The following PHGDH variants were observed in gnomAD, a reference collection of about 807,000 sequenced individuals.
PHGDH encodes phosphoglycerate dehydrogenase.
PHGDH carries 50 observed loss-of-function variants against 52.6 expected under a neutral mutation model. The observed-to-expected ratio is 0.95, with a 90% CI of 0.76 to 1.20. PHGDH has a LOEUF of 1.20. PHGDH is among the 50% of genes most tolerant of loss of function. The pLI, the probability that PHGDH is intolerant of heterozygous loss-of-function variation, is 0.00. For synonymous variants in PHGDH, 271 were observed against 280.5 expected (o/e 0.97, Z 0.34); for missense variants, 630 against 684.6 (o/e 0.92, Z 0.89).
intron 9 of PHGDH, among the ~76,000 whole-genome samples, chr1:119,741,248 G>C (rs1372168895): frequency 6.6e-6 from 1 of 152,180 alleles, no homozygotes; most frequent in African/African-American, 2.4e-5. Context: ...AGATTGCAGG[G>C]AGAGGGCAGC....
At chr1:119,731,280 A>G (rs1651678462) in intron 5 of PHGDH, among the ~76,000 whole-genome samples, 1 of 152,180 alleles carries the variant, frequency 6.6e-6, no homozygotes, top group Non-Finnish European at 1.5e-5. Context: ...TTAACGCTCT[A>G]TACTGTTGTG....
chr1:119,722,824 C>A (rs1651233307), intron 2 of PHGDH, among the ~76,000 whole-genome samples: 1 of 149,920 alleles, frequency 6.7e-6, no homozygotes, highest in South Asian at 2.1e-4. Context: ...TGCTTGAACC[C>A]TGGGAAGTCA....
chr1:119,734,919 C>T, intron 6 of PHGDH, 153 bp downstream of exon 6: 8 of 850,484 alleles, frequency 9.4e-6, no homozygotes, highest in Non-Finnish European at 1.6e-5. Flanking sequence ...TTAGACACCC[C>T]TACGTTGGAT....
chr1:119,726,941 A>G (rs1163937884), intron 4 of PHGDH, 36 bp downstream of exon 4: 1 of 1,609,956 alleles, frequency 6.2e-7, no homozygotes, highest in South Asian at 1.1e-5. Flanking sequence ...ACCTGGGCTC[A>G]GGGCCCGGGG....
In PHGDH at chr1:119,739,098, C is replaced by G. The variant is rs587601780; in HGVS notation, c.946-1288C>G. On this transcript the variant is annotated intron_variant, in intron 8 of 11. Transcript: ENST00000641023. ...TGTTCTAACCTCAGACACAGAATAA[C>G]ATTAGGGTCAGGTTGGTGTCCCAAA... Among the ~76,000 whole-genome samples, 105 of 152,356 alleles carry G rather than the reference C, an allele frequency of 6.9e-4. 1 individual carries two copies. The highest frequency in any genetic ancestry group is 1.4e-3 in the Non-Finnish European group (94 of 68,040).
rs898943128 is a variant in PHGDH at position 119,737,292 on chromosome 1, G to A, written c.945+26G>A. 10 of 1,600,264 alleles carry A rather than the reference G, an allele frequency of 6.2e-6. No individual in the cohort carries two copies. The East Asian group carries it at 2.0e-4, about 32-fold the overall frequency. ...GTAAGTATCACCACCTGGGGCTGGG[G>A]GCCAGGAGTCAGAGGGAGGAGAGGA... On this transcript the variant is annotated intron_variant, in intron 8 of 11. Coordinates refer to ENST00000641023, the MANE Select transcript of PHGDH (RefSeq NM_006623.4).
At chr1:119,713,033 A>C (rs1467511625) in intron 1 of PHGDH, 1 of 152,168 alleles carries the variant, frequency 6.6e-6, no homozygotes, top group Non-Finnish European at 1.5e-5. Context: ...ATCTACTTCA[A>C]ATCTTTATCC....
chr1:119,717,871 G>A (rs1651000025), intron 1 of PHGDH, among the ~76,000 whole-genome samples: 1 of 152,190 alleles, frequency 6.6e-6, no homozygotes, highest in Non-Finnish European at 1.5e-5. Flanking sequence ...GGCATGTGAA[G>A]TGTTAAAGTT....
chr1:119,717,232 CAAAAAAAAA>C (rs58549149), intron 1 of PHGDH, among the ~76,000 whole-genome samples: 14 of 37,354 alleles, frequency 3.7e-4, no homozygotes, highest in Middle Eastern at 0.029. Flanking sequence ...AACTCTGTCT[CAAAAAAAAA>C]AAAAAAAAAA....
In PHGDH at chr1:119,743,057, C is replaced by G; in HGVS notation, c.1447+13C>G. 6.5e-7 allele frequency: 1 copy of G among 1,542,534 alleles called. No homozygotes were observed. The highest frequency in any genetic ancestry group is 1.1e-5 in the South Asian group (1 of 89,710). ...CCTACCATGATTGGTGAGGAGGGCC[C>G]TGTAGGGCTGGCTGGTGTCCTTGAG... On this transcript the variant is annotated intron_variant, in intron 11 of 11. Coordinates refer to ENST00000641023, the MANE Select transcript of PHGDH (RefSeq NM_006623.4).
chr1:119,725,093 A>G, intron 3 of PHGDH: 1 of 429,982 alleles, frequency 2.3e-6, no homozygotes, highest in East Asian at 7.1e-5. Context: ...AACAGCACAC[A>G]GAAAGGAAGG....
intron 3 of PHGDH, chr1:119,725,073 G>C: frequency 2.2e-6 from 1 of 446,802 alleles, no homozygotes; most frequent in South Asian, 1.6e-5. Context: ...GGGCTCCTGA[G>C]GTGCAGAAGA....
intron 5 of PHGDH, among the ~76,000 whole-genome samples, chr1:119,728,492 G>C (rs1186808680): frequency 6.6e-6 from 1 of 152,236 alleles, no homozygotes; most frequent in Non-Finnish European, 1.5e-5. Context: ...ACCTCACACC[G>C]GTCTCAGAAA....
chr1:119,714,545 G>T (rs587595611), intron 1 of PHGDH: 5 of 152,218 alleles, frequency 3.3e-5, no homozygotes, highest in African/African-American at 9.7e-5. Flanking sequence ...TATGTGTGTG[G>T]CATGTGAGTA....
chr1:119,718,972 A>G (rs587626435), intron 1 of PHGDH, among the ~76,000 whole-genome samples: 1 of 152,182 alleles, frequency 6.6e-6, no homozygotes, highest in Non-Finnish European at 1.5e-5. Context: ...TGTTTCCTGG[A>G]AGATAACTTT....
chr1:119,715,023 A>G (rs767488680), intron 1 of PHGDH, among the ~76,000 whole-genome samples: 1 of 152,256 alleles, frequency 6.6e-6, no homozygotes, highest in Non-Finnish European at 1.5e-5. Flanking sequence ...CTCACATCTT[A>G]AATATACCTA....
chr1:119,737,265 TTGTA>T lies in PHGDH; in HGVS notation c.945_945+3del. On this transcript the variant is annotated splice_donor_variant and splice_donor_region_variant and coding_sequence_variant and intron_variant, in exon 8 of 12. Coordinates refer to ENST00000641023, the MANE Select transcript of PHGDH (RefSeq NM_006623.4). LOFTEE classifies it high-confidence loss of function. Reference sequence around the variant, plus strand: ...GTGAAGGGGAAATCTCTCACGGGGGTTGTAAGTATCACCACCTGGGGCTGGGGGC... The same window carrying T: ...GTGAAGGGGAAATCTCTCACGGGGGTAGTATCACCACCTGGGGCTGGGGGC... 1 of 1,611,868 alleles carries T rather than the reference TTGTA, an allele frequency of 6.2e-7. No individual in the cohort carries two copies. The highest frequency in any genetic ancestry group is 8.5e-7 in the Non-Finnish European group (1 of 1,178,452).
At chr1:119,719,482 C>T (rs975196959) in intron 1 of PHGDH, 5 of 152,208 alleles carry the variant, frequency 3.3e-5, no homozygotes, top group Admixed American at 6.5e-5. Flanking sequence ...GGAGTGTCTT[C>T]CAGGCCGCCT....
intron 5 of PHGDH, among the ~76,000 whole-genome samples, chr1:119,733,518 AGG>A (rs34338933): frequency 5.8e-4 from 77 of 133,316 alleles, no homozygotes; most frequent in Middle Eastern, 7.2e-3. Flanking sequence ...AATTTTTTGT[AGG>A]GGGGGGGGTC....
Sources: allele counts gnomAD v4.1 joint callset (sites outside exome capture counted in the v4.1 genomes callset), GRCh38; gene constraint gnomAD v4.1.1; transcripts MANE v1.5; gene names NCBI Gene and HGNC (gene_info 2026-07-23, HGNC 2026-07-21).